Variants in GDPD4 observed in about 807,000 individuals in gnomAD.
The protein encoded by GDPD4 is glycerophosphodiester phosphodiesterase domain containing 4.
A neutral mutation model predicts 67.8 loss-of-function variants in GDPD4; 60 were observed. That is an observed-to-expected ratio of 0.88 (90% CI 0.72 to 1.10). The LOEUF is 1.10. Among genes scored for constraint, GDPD4 ranks in the 50% least tolerant of loss-of-function variants. The pLI, the probability that GDPD4 is intolerant of heterozygous loss-of-function variation, is 0.00. For missense variants in GDPD4, 623 were observed against 613.9 expected (o/e 1.01, Z -0.16); for synonymous variants, 212 against 210.9 (o/e 1.00, Z -0.04).
intron 16 of GDPD4, among the ~76,000 whole-genome samples, chr11:77,218,024 A>T (rs188559497): frequency 8.6e-5 from 13 of 152,032 alleles, no homozygotes. Context: ...TAGTTGTTAT[A>T]AATATTCAAA....
intron 13 of GDPD4, among the ~76,000 whole-genome samples, chr11:77,243,334 T>C (rs917331233): frequency 1.3e-5 from 2 of 152,202 alleles, no homozygotes; most frequent in Non-Finnish European, 2.9e-5. Context: ...GCCATCCATC[T>C]GGTAATGGTA....
At chr11:77,254,606 C>A (rs1958968808) in intron 11 of GDPD4, among the ~76,000 whole-genome samples, 1 of 152,050 alleles carries the variant, frequency 6.6e-6, no homozygotes, top group Non-Finnish European at 1.5e-5. Context: ...TGTACTCATG[C>A]CAACTATGTA....
At chr11:77,267,292 A>G (rs1417628178) in intron 10 of GDPD4, among the ~76,000 whole-genome samples, 1 of 152,218 alleles carries the variant, frequency 6.6e-6, no homozygotes, top group African/African-American at 2.4e-5. Context: ...ACTCTATGAT[A>G]TTCACACAGT....
At chr11:77,291,058 T>A (rs1241193979) in intron 1 of GDPD4, among the ~76,000 whole-genome samples, 1 of 152,238 alleles carries the variant, frequency 6.6e-6, no homozygotes, top group African/African-American at 2.4e-5. Context: ...ATCAAAAGGA[T>A]ACCTGCATCC....
At chr11:77,259,565 A>C (rs1959071347) in intron 10 of GDPD4, among the ~76,000 whole-genome samples, 1 of 77,418 alleles carries the variant, frequency 1.3e-5, no homozygotes, top group Non-Finnish European at 2.3e-5. Flanking sequence ...CTCTGAGAAA[A>C]GCAAAAAAAA....
At chr11:77,235,270 C>T (rs1047730238) in intron 13 of GDPD4, among the ~76,000 whole-genome samples, 4 of 151,918 alleles carry the variant, frequency 2.6e-5, no homozygotes, top group African/African-American at 9.7e-5. Context: ...TGTCAGTTCT[C>T]CCTCAAATAG....
chr11:77,282,713 A>C (rs1002158158), intron 3 of GDPD4, among the ~76,000 whole-genome samples: 11 of 152,116 alleles, frequency 7.2e-5, no homozygotes, highest in Non-Finnish European at 1.6e-4. Flanking sequence ...AACAACAAAA[A>C]AAAAAACACA....
At chr11:77,220,066 A>G (rs993027512) in intron 16 of GDPD4, among the ~76,000 whole-genome samples, 36 of 152,198 alleles carry the variant, frequency 2.4e-4, no homozygotes, top group African/African-American at 8.4e-4. Flanking sequence ...TTGTATCCTG[A>G]GACTTTGCAG....
chr11:77,276,103 GCCTGGTCTAAGGTTCAGT>G (rs1959453709), intron 5 of GDPD4, 40 bp downstream of exon 5: 12 of 1,243,004 alleles, frequency 9.7e-6, no homozygotes, highest in Non-Finnish European at 1.4e-5. Flanking sequence ...GCATGTTCAG[GCCTGGTCTAAGGTTCAGT>G]CCTGGTCTAA....
intron 2 of GDPD4, among the ~76,000 whole-genome samples, chr11:77,285,627 C>G (rs960241608): frequency 6.6e-6 from 1 of 152,172 alleles, no homozygotes; most frequent in Non-Finnish European, 1.5e-5. Flanking sequence ...AAGGGGGAAT[C>G]AGAGTTAAAG....
intron 16 of GDPD4, among the ~76,000 whole-genome samples, chr11:77,218,363 A>G (rs1043004777): frequency 2.0e-5 from 3 of 152,070 alleles, no homozygotes; most frequent in African/African-American, 7.2e-5. Flanking sequence ...GAGGCTGTGA[A>G]TCTTTGGGGT....
intron 10 of GDPD4, among the ~76,000 whole-genome samples, chr11:77,267,268 GT>G (rs1315616434): frequency 6.6e-6 from 1 of 152,200 alleles, no homozygotes; most frequent in Non-Finnish European, 1.5e-5. Flanking sequence ...TGCCATCTAG[GT>G]TTGTGTAAGT....
At chr11:77,255,917 T>C (rs1222434494) in intron 11 of GDPD4, among the ~76,000 whole-genome samples, 2 of 152,074 alleles carry the variant, frequency 1.3e-5, no homozygotes, top group Non-Finnish European at 2.9e-5. Context: ...AAGGATGCTA[T>C]TTAATAAGTT....
rs184766893 is a variant in GDPD4 at position 77,245,331 on chromosome 11, C to A, written c.1036G>T (p.Val346Phe). The A allele has an allele frequency of 3.7e-6, 6 of 1,614,002 alleles. No individual in the cohort carries two copies. In the African/African-American group the frequency reaches 4.0e-5, roughly 11 times the overall value. The change falls in exon 12 of 17, where the codon GTC (valine) becomes TTC (phenylalanine). Residue 346 changes from valine to phenylalanine, a missense_variant. Val to Phe is a conservative substitution (Grantham distance 50, BLOSUM62 -1). Coordinates refer to ENST00000315938, the MANE Select transcript of GDPD4 (RefSeq NM_182833.3). ...PPKHPLRHTF[V>F]RQVVSVILAS... ...AGGATCACGCTTACTACTTGGCGGA[C>A]AAATGTGTGTCTGAGAGGATGTTTT... is the stretch of plus-strand genomic sequence containing the variant.
chr11:77,286,741 A>G (rs1182724541), intron 2 of GDPD4, among the ~76,000 whole-genome samples: 1 of 152,224 alleles, frequency 6.6e-6, no homozygotes, highest in Non-Finnish European at 1.5e-5. Flanking sequence ...GCCACCACTC[A>G]GCCTTACTAG....
chr11:77,235,912 C>A (rs1418260981), intron 13 of GDPD4, among the ~76,000 whole-genome samples: 1 of 147,674 alleles, frequency 6.8e-6, no homozygotes, highest in Non-Finnish European at 1.5e-5. Context: ...ACAATGATCA[C>A]ATCACTGCAC....
At chr11:77,283,301 T>G (rs1374612870) in intron 3 of GDPD4, among the ~76,000 whole-genome samples, 2 of 152,224 alleles carry the variant, frequency 1.3e-5, no homozygotes, top group East Asian at 1.9e-4. Context: ...TGAGGCACTG[T>G]CTAATGAAAG....
intron 10 of GDPD4, among the ~76,000 whole-genome samples, chr11:77,260,915 G>A (rs1366070952): frequency 6.6e-6 from 1 of 152,090 alleles, no homozygotes. Context: ...GACCTGTAAG[G>A]CAATGATCAA....
At chr11:77,281,551 A>C (rs919887792) in intron 3 of GDPD4, among the ~76,000 whole-genome samples, 21 of 152,244 alleles carry the variant, frequency 1.4e-4, no homozygotes, top group African/African-American at 5.1e-4. Flanking sequence ...GACAGTGAAG[A>C]ACTATGAAGC....
Sources: gnomAD v4.1 joint callset for allele counts (sites outside exome capture counted in the v4.1 genomes callset) on GRCh38, gnomAD v4.1.1 for gene constraint, MANE v1.5 for transcripts, NCBI Gene and HGNC (gene_info 2026-07-23, HGNC 2026-07-21) for gene names.